The following KLHL13 variants were observed in gnomAD, a reference collection of about 807,000 sequenced individuals.
The protein encoded by KLHL13 is kelch-like protein 13.
A neutral mutation model predicts 37.1 loss-of-function variants in KLHL13; 10 were observed. The observed-to-expected ratio is 0.27, with a 90% confidence interval of 0.17 to 0.46. The LOEUF (loss-of-function observed/expected upper bound fraction) is 0.46. KLHL13 is among the 20% of genes least tolerant of loss of function. KLHL13 has a pLI of 1.00. For missense variants in KLHL13, 360 were observed against 509.3 expected (o/e 0.71, Z 2.82); for synonymous variants, 163 against 181.2 (o/e 0.90, Z 0.81).
intron 1 of KLHL13, among the ~76,000 whole-genome samples, chrX:117,994,423 T>G (rs929919442): frequency 9.0e-6 from 1 of 110,746 alleles, no homozygotes; most frequent in Non-Finnish European, 1.9e-5. Flanking sequence ...CCACTAATTT[T>G]TTTATTTTTT....
intron 2 of KLHL13, among the ~76,000 whole-genome samples, chrX:117,931,315 T>C (rs1481479162): frequency 8.9e-6 from 1 of 111,938 alleles, no homozygotes; most frequent in Non-Finnish European, 1.9e-5. Context: ...TCCACCTTTA[T>C]AGGTTTGAGT....
rs749130623 is a variant in KLHL13, at chrX:118,096,298, C to A, written c.-56+20210G>T. ...AACTACCATCAGAGAATACTATAAA[C>A]ACCTCTACACAAATAAACTAGAAAA... On this transcript the variant is annotated intron_variant, in intron 1 of 6. Coordinates refer to the KLHL13 transcript ENST00000371882. Among the ~76,000 whole-genome samples, 11 of 111,837 alleles carry A rather than the reference C, an allele frequency of 9.8e-5. No individual in the cohort carries two copies. The South Asian group carries it at 4.1e-3, about 42-fold the overall frequency.
At chrX:118,067,922 C>T (rs1159001529) in intron 1 of KLHL13, among the ~76,000 whole-genome samples, 2 of 111,849 alleles carry the variant, frequency 1.8e-5, no homozygotes, top group Non-Finnish European at 3.8e-5. Context: ...GTAACACAGT[C>T]ATTTATTATC....
intron 2 of KLHL13, among the ~76,000 whole-genome samples, chrX:117,940,505 T>C (rs1257413033): frequency 8.9e-6 from 1 of 111,879 alleles, no homozygotes; most frequent in African/African-American, 3.2e-5. Context: ...TTGATGGGGA[T>C]AGCATTGAAT....
chrX:117,899,743 T>A (rs1470532194), intron 6 of KLHL13, among the ~76,000 whole-genome samples: 1 of 112,217 alleles, frequency 8.9e-6, no homozygotes, highest in Non-Finnish European at 1.9e-5. Context: ...CTACAAAGCA[T>A]CATTCACTAC....
chrX:118,082,595 T>C (rs888570642), intron 1 of KLHL13, among the ~76,000 whole-genome samples: 39 of 111,666 alleles, frequency 3.5e-4, no homozygotes, highest in African/African-American at 1.2e-3. Context: ...GTGTAGAAGC[T>C]TTCTAGTTTG....
At chrX:118,007,592 C>G (rs2054001112) in intron 1 of KLHL13, among the ~76,000 whole-genome samples, 1 of 111,597 alleles carries the variant, frequency 9.0e-6, no homozygotes, top group Admixed American at 9.5e-5. Context: ...TCCCCTAAAA[C>G]AGACTGCAAA....
intron 1 of KLHL13, among the ~76,000 whole-genome samples, chrX:118,057,166 G>T (rs2054693589): frequency 8.9e-6 from 1 of 111,983 alleles, no homozygotes; most frequent in Admixed American, 9.5e-5. Context: ...CAATGGAATA[G>T]AATTGAGAGT....
chrX:117,982,439 G>A (rs1429399366), intron 1 of KLHL13, among the ~76,000 whole-genome samples: 1 of 111,206 alleles, frequency 9.0e-6, no homozygotes, highest in Admixed American at 9.6e-5. Context: ...ATCCAGCAAT[G>A]TGTGCAAATA....
intron 1 of KLHL13, among the ~76,000 whole-genome samples, chrX:118,013,123 G>T (rs778366483): frequency 8.9e-6 from 1 of 112,166 alleles, no homozygotes; most frequent in South Asian, 3.7e-4. Flanking sequence ...AGTTGAACAA[G>T]ATGCCTGGCC....
chrX:117,923,784 T>C (rs113801447), intron 2 of KLHL13, among the ~76,000 whole-genome samples: 5 of 111,843 alleles, frequency 4.5e-5, no homozygotes, highest in African/African-American at 1.6e-4. Flanking sequence ...CTGGACAGCT[T>C]TGCTCAGCTA....
In KLHL13 at chrX:117,945,427, A is replaced by G; in HGVS notation, c.240+7T>C. ...GTAAACACTACCAAAGAGACAGCTT[A>G]AATTACCTGTAACACCACAGAACTG... On this transcript the variant is annotated splice_region_variant and intron_variant, in intron 2 of 6. Coordinates refer to ENST00000262820, the Ensembl canonical transcript of KLHL13. The G allele has an allele frequency of 1.7e-6, 2 of 1,206,614 alleles. No individual in the cohort carries two copies. The highest frequency in any genetic ancestry group is 2.2e-6 in the Non-Finnish European group (2 of 892,870).
chrX:117,912,320 G>C (rs16994930), intron 4 of KLHL13, among the ~76,000 whole-genome samples: 2,173 of 111,660 alleles, frequency 0.019, 48 homozygotes, highest in African/African-American at 0.065. Flanking sequence ...AACAAAGAAT[G>C]GGTACTTTAA....
chrX:118,020,057 G>A (rs1034767464), intron 1 of KLHL13, among the ~76,000 whole-genome samples: 8 of 110,683 alleles, frequency 7.2e-5, no homozygotes, highest in African/African-American at 2.3e-4. Flanking sequence ...GATGGGGATG[G>A]CACTGAAACT....
chrX:117,921,466 T>C (rs189249601), intron 2 of KLHL13, among the ~76,000 whole-genome samples: 7 of 111,625 alleles, frequency 6.3e-5, no homozygotes, highest in Non-Finnish European at 1.1e-4. Flanking sequence ...AATTTAACAA[T>C]GATACAAAAA....
At chrX:118,021,536 A>G (rs1257255839) in intron 1 of KLHL13, among the ~76,000 whole-genome samples, 1 of 109,796 alleles carries the variant, frequency 9.1e-6, no homozygotes, top group Non-Finnish European at 1.9e-5. Context: ...GATGGTTTCC[A>G]GCTTCATCCA....
intron 1 of KLHL13, among the ~76,000 whole-genome samples, chrX:118,081,501 CATA>C (rs764492558): frequency 4.5e-5 from 5 of 111,089 alleles, no homozygotes; most frequent in Admixed American, 9.6e-5. Context: ...TTGGGGTGCA[CATA>C]ATATTTTTGA....
intron 5 of KLHL13, among the ~76,000 whole-genome samples, chrX:117,907,259 A>T (rs1254442468): frequency 9.0e-6 from 1 of 111,366 alleles, no homozygotes. Flanking sequence ...AGGTTCAAAG[A>T]AAGAAGCCTC....
intron 1 of KLHL13, among the ~76,000 whole-genome samples, chrX:118,018,708 A>G (rs1359493388): frequency 9.0e-6 from 1 of 111,711 alleles, no homozygotes; most frequent in South Asian, 3.7e-4. Flanking sequence ...ATTTTTAAAT[A>G]TTCATAATAT....
Sources: allele counts gnomAD v4.1 joint callset (sites outside exome capture counted in the v4.1 genomes callset), GRCh38; gene constraint gnomAD v4.1.1; transcripts MANE v1.5; gene names NCBI Gene and HGNC (gene_info 2026-07-23, HGNC 2026-07-21).